Variants in BTBD9 observed in about 807,000 individuals in gnomAD.
BTBD9 encodes the protein BTB domain containing 9.
BTBD9 carries 49 observed loss-of-function variants against 64.3 expected under a neutral mutation model. The ratio of observed to expected loss-of-function variants is 0.76; its 90% CI spans 0.61 to 0.97. The LOEUF (loss-of-function observed/expected upper bound fraction) is 0.97, where lower values mean the gene tolerates loss of function less well. Ranked by LOEUF, BTBD9 falls within the 50% of genes least tolerant of loss-of-function variation. The pLI is 0.00. For synonymous variants in BTBD9, 260 were observed against 274.7 expected, an observed-to-expected ratio of 0.95 and a Z score of 0.53; for missense variants, 598 against 762.1, an observed-to-expected ratio of 0.78 and a Z score of 2.53.
chr6:38,447,475 A>G (rs1265943963), intron 6 of BTBD9, among the ~76,000 whole-genome samples: 2 of 152,224 alleles, frequency 1.3e-5, no homozygotes, highest in Non-Finnish European at 1.5e-5. Flanking sequence ...AAGCGCACTG[A>G]CATCCTTATT....
At chr6:38,338,423 T>C (rs1284674921) in intron 7 of BTBD9, among the ~76,000 whole-genome samples, 1 of 152,114 alleles carries the variant, frequency 6.6e-6, no homozygotes, top group Admixed American at 6.6e-5. Context: ...AAACCACAGA[T>C]AAGGGGGTCT....
At chr6:38,198,114 T>A (rs1762326909) in intron 9 of BTBD9, among the ~76,000 whole-genome samples, 1 of 152,262 alleles carries the variant, frequency 6.6e-6, no homozygotes, top group South Asian at 2.1e-4. Context: ...TTATTATTTT[T>A]ATTCTCTTAT....
intron 6 of BTBD9, among the ~76,000 whole-genome samples, chr6:38,466,273 C>T (rs181482580): frequency 2.2e-5 from 3 of 135,250 alleles, no homozygotes; most frequent in East Asian, 2.2e-4. Flanking sequence ...GAGCTCCATG[C>T]TTCCTTTTCC....
intron 6 of BTBD9, among the ~76,000 whole-genome samples, chr6:38,402,239 A>G (rs141772284): frequency 6.6e-6 from 1 of 152,322 alleles, no homozygotes; most frequent in Non-Finnish European, 1.5e-5. Flanking sequence ...GGATTAAAAG[A>G]TTTAATATGT....
At chr6:38,417,801 A>AGAGAGAGAGAGAGAG (rs56268245) in intron 6 of BTBD9, among the ~76,000 whole-genome samples, 2,931 of 136,850 alleles carry the variant, frequency 0.021, 57 homozygotes, top group Admixed American at 0.05. Context: ...AGAGAGAGAG[A>AGAGAGAGAGAGAGAG]AAAAAAATAT....
At chr6:38,334,011 G>A (rs1763783714) in intron 7 of BTBD9, among the ~76,000 whole-genome samples, 1 of 152,198 alleles carries the variant, frequency 6.6e-6, no homozygotes, top group African/African-American at 2.4e-5. Flanking sequence ...GTGAAGTCCA[G>A]GCTGAGGGGG....
At position 38,566,910 on chromosome 6, in the gene BTBD9, C is replaced by T. The variant is rs575630970; in HGVS notation, c.1154+10690G>A. On this transcript the variant is annotated intron_variant, in intron 6 of 10. Transcript: ENST00000481247. ...AAGGCAGATGGTAGTCACTGATCAA[C>T]AGACATAAAATAAAGTCCTTCTAAA... 4.6e-5 allele frequency among the ~76,000 whole-genome samples: 7 copies of T among 152,320 alleles called. No homozygotes were observed. In the South Asian group the frequency reaches 1.4e-3, roughly 32 times the overall value.
At chr6:38,386,776 G>A (rs1766191545) in intron 6 of BTBD9, among the ~76,000 whole-genome samples, 2 of 151,722 alleles carry the variant, frequency 1.3e-5, no homozygotes, top group African/African-American at 4.8e-5. Context: ...CCAAGTAGCT[G>A]GGACTACAGG....
Position 38,174,547 on chromosome 6 carries a change from T to C in BTBD9, c.*438A>G, listed in dbSNP as rs1581991525. On this transcript the variant is annotated 3_prime_UTR_variant, in exon 11 of 11. Coordinates refer to ENST00000481247, the MANE Select transcript of BTBD9 (RefSeq NM_001099272.2). ...ATCATTTAGTTGCCAGGGCAATGTA[T>C]TCCAGCAGAATGAACACTCTATGGA... 1 of 170,304 alleles carries C rather than the reference T, an allele frequency of 5.9e-6. No individual in the cohort carries two copies. Among genetic ancestry groups the C allele is most frequent in the African/African-American group, 2.4e-5 (1 of 42,304 alleles). The allele number at this position is 170,304 out of a possible 1,614,324, so 10.5% of individuals were successfully genotyped here. A position where few individuals can be genotyped will look rare whatever the true frequency, so the allele number is the denominator to read the frequency against.
chr6:38,198,564 G>A (rs1034193696), intron 9 of BTBD9, among the ~76,000 whole-genome samples: 1 of 152,174 alleles, frequency 6.6e-6, no homozygotes. Context: ...GGGTGAGGGT[G>A]CCTAGTCTTC....
intron 9 of BTBD9, among the ~76,000 whole-genome samples, chr6:38,213,262 G>A (rs1317055170): frequency 6.6e-6 from 1 of 152,012 alleles, no homozygotes; most frequent in Non-Finnish European, 1.5e-5. Context: ...ACAGTGGGGA[G>A]ATATTCAGTA....
intron 6 of BTBD9, among the ~76,000 whole-genome samples, chr6:38,418,914 T>G (rs562296406): frequency 6.6e-6 from 1 of 151,954 alleles, no homozygotes; most frequent in Non-Finnish European, 1.5e-5. Context: ...GGAGTTTGAG[T>G]CCAGCCTGGA....
intron 1 of BTBD9, among the ~76,000 whole-genome samples, chr6:38,630,897 A>C (rs922678237): frequency 1.3e-5 from 2 of 152,242 alleles, no homozygotes; most frequent in African/African-American, 4.8e-5. Context: ...TAGCAGACTC[A>C]TCTAAGCCAT....
chr6:38,459,925 G>C (rs1299573107), intron 6 of BTBD9, among the ~76,000 whole-genome samples: 1 of 152,218 alleles, frequency 6.6e-6, no homozygotes, highest in Non-Finnish European at 1.5e-5. Context: ...GTCTACCGTG[G>C]TTTTACAACA....
intron 10 of BTBD9, among the ~76,000 whole-genome samples, chr6:38,183,823 C>G (rs1761690831): frequency 6.6e-6 from 1 of 152,182 alleles, no homozygotes. Context: ...CAGGCTGTCA[C>G]AAGTGATTCC....
At chr6:38,291,379 T>C (rs961154742) in intron 7 of BTBD9, among the ~76,000 whole-genome samples, 1 of 152,248 alleles carries the variant, frequency 6.6e-6, no homozygotes, top group Non-Finnish European at 1.5e-5. Flanking sequence ...GCTTATCAGC[T>C]TAAGGAGATT....
chr6:38,436,420 G>A (rs898507130), intron 6 of BTBD9, among the ~76,000 whole-genome samples: 3 of 134,158 alleles, frequency 2.2e-5, no homozygotes, highest in African/African-American at 8.8e-5. Flanking sequence ...TTGTTGCCCA[G>A]GCTGGAGGGC....
At chr6:38,363,511 G>A (rs1157695793) in intron 6 of BTBD9, among the ~76,000 whole-genome samples, 1 of 152,206 alleles carries the variant, frequency 6.6e-6, no homozygotes, top group Non-Finnish European at 1.5e-5. Flanking sequence ...CCTAGGAGCT[G>A]GAGGCTGCAG....
chr6:38,362,599 C>T lies in BTBD9; in HGVS notation c.1155-17506G>A, dbSNP rs767451867. 4.5e-4 allele frequency among the ~76,000 whole-genome samples: 69 copies of T among 152,236 alleles called. 1 individual carries two copies. Among genetic ancestry groups the T allele is most frequent in the Admixed American group, 1.5e-3 (23 of 15,286 alleles). ...TTTCCCAGTGGTATAGAGTATGAAA[C>T]GTGATGCTTAAGGCTTGGTACATAT... On this transcript the variant is annotated intron_variant, in intron 6 of 10. Coordinates refer to ENST00000481247, the MANE Select transcript of BTBD9 (RefSeq NM_001099272.2).
Sources: allele counts gnomAD v4.1 joint callset (sites outside exome capture counted in the v4.1 genomes callset), GRCh38; gene constraint gnomAD v4.1.1; transcripts MANE v1.5; gene names NCBI Gene and HGNC (gene_info 2026-07-23, HGNC 2026-07-21).